The following IPP variants were observed in gnomAD, a reference collection of about 807,000 sequenced individuals.
IPP encodes actin-binding protein IPP.
A neutral mutation model predicts 64.1 loss-of-function variants in IPP; 41 were observed. The observed-to-expected ratio is 0.64, with a 90% CI of 0.50 to 0.83. IPP has a LOEUF of 0.83. Ranked by LOEUF, IPP falls within the 40% of genes least tolerant of loss-of-function variation. IPP has a pLI of 0.00. For synonymous variants in IPP, 214 were observed against 235.2 expected (o/e 0.91, Z 0.83); for missense variants, 649 against 703.0 (o/e 0.92, Z 0.87).
chr1:45,725,016 G>T (rs1213899738), intron 5 of IPP, among the ~76,000 whole-genome samples: 2 of 143,000 alleles, frequency 1.4e-5, no homozygotes, highest in Non-Finnish European at 3.1e-5. Context: ...GGTGGGAGGT[G>T]GGGGGGTCAG....
chr1:45,714,377 G>C lies in IPP; in HGVS notation c.1399C>G (p.Pro467Ala), dbSNP rs751991307. Residue 467 changes from proline to alanine, a missense_variant, in exon 8 of 9, where the codon CCA becomes GCA. Physicochemically the swap from Pro to Ala is conservative, Grantham distance 27. Transcript: ENST00000396478. ...CTCCTGGTTCCCATTGGAGGAAGTG[G>C]AGACCAACGCTTAGAAAGTGGATCA... is the stretch of plus-strand genomic sequence containing the variant. ...VYDPLSKRWSPLPPMGTRRAY... is the reference protein window; with the variant it reads ...VYDPLSKRWSALPPMGTRRAY... 6.2e-7 allele frequency: 1 copy of C among 1,614,034 alleles called. No homozygotes were observed. The highest frequency in any genetic ancestry group is 8.5e-7 in the Non-Finnish European group (1 of 1,179,904).
At chr1:45,694,410 C>T (rs746502148), downstream of IPP, 10 of 1,321,926 alleles carry the variant, frequency 7.6e-6, no homozygotes, top group Non-Finnish European at 1.1e-5. Context: ...TTTTAACCAT[C>T]TTGAAAATTA....
At chr1:45,695,440 C>T (rs1002823917), downstream of IPP, among the ~76,000 whole-genome samples, 6 of 152,076 alleles carry the variant, frequency 3.9e-5, no homozygotes, top group East Asian at 1.9e-4. Flanking sequence ...GGATTGCAGG[C>T]GTGAGCCACT....
chr1:45,728,126 CTGTGTGTGTGTGTGTGTGTGTG>C (rs371114917), intron 4 of IPP, among the ~76,000 whole-genome samples: 1 of 132,274 alleles, frequency 7.6e-6, no homozygotes, highest in East Asian at 2.2e-4. Context: ...GAGTTGAAAG[CTGTGTGTGTGTGTGTGTGTGTG>C]TGTGTGTGTG....
intron 1 of IPP, among the ~76,000 whole-genome samples, chr1:45,747,139 A>C (rs1467846429): frequency 1.3e-5 from 2 of 151,902 alleles, no homozygotes; most frequent in African/African-American, 2.4e-5. Flanking sequence ...CGCGCTTCAG[A>C]GCTCCTTGAA....
chr1:45,726,275 A>G (rs1324830939), intron 5 of IPP, among the ~76,000 whole-genome samples: 1 of 151,890 alleles, frequency 6.6e-6, no homozygotes, highest in East Asian at 1.9e-4. Flanking sequence ...CCTGACCAAC[A>G]TGAAGAAACC....
rs4326663 is a variant in IPP at position 45,750,019 on chromosome 1, T to C, written c.-51+578A>G. Among the ~76,000 whole-genome samples the C allele has an allele frequency of 9.1e-4, 139 of 152,230 alleles. 1 individual carries two copies. Among genetic ancestry groups the C allele is most frequent in the African/African-American group, 3.3e-3 (138 of 41,544 alleles). On this transcript the variant is annotated intron_variant, in intron 1 of 8. Coordinates refer to ENST00000396478, the MANE Select transcript of IPP (RefSeq NM_005897.3). ...AGTGAGTTGTGATCGCACCACTGCATTCCAGCCTAGGAGAAGGGGCGAGAC... is the reference window on the plus strand; with the variant it reads ...AGTGAGTTGTGATCGCACCACTGCACTCCAGCCTAGGAGAAGGGGCGAGAC...
At chr1:45,735,780 A>ACACCACAGCAGGCCACCACACCAGGC (rs1645972043) in intron 3 of IPP, among the ~76,000 whole-genome samples, 1 of 148,820 alleles carries the variant, frequency 6.7e-6, no homozygotes, top group Non-Finnish European at 1.5e-5. Context: ...CAGATGCGTG[A>ACACCACAGCAGGCCACCACACCAGGC]CACCACACCA....
intron 3 of IPP, among the ~76,000 whole-genome samples, chr1:45,732,449 AAAGT>A (rs1645923436): frequency 6.6e-6 from 1 of 152,046 alleles, no homozygotes. Flanking sequence ...CTAAGAAAAC[AAAGT>A]AAGAAATGAA....
rs1427327722 is a variant in IPP, at chr1:45,724,580, C to T, written c.1048+3051G>A. 4.6e-4 allele frequency among the ~76,000 whole-genome samples: 70 copies of T among 150,568 alleles called. No individual in the cohort carries two copies. The East Asian group carries it at 0.011, about 24-fold the overall frequency. On this transcript the variant is annotated intron_variant, in intron 5 of 8. Coordinates refer to ENST00000396478, the MANE Select transcript of IPP (RefSeq NM_005897.3). Reference sequence around the variant, plus strand: ...ATCCCATCTAGGAAGTGAGGAGCGTCTCTGCCCGGCCGCCCATCGTCTGAG... The same window carrying T: ...ATCCCATCTAGGAAGTGAGGAGCGTTTCTGCCCGGCCGCCCATCGTCTGAG...
intron 8 of IPP, among the ~76,000 whole-genome samples, chr1:45,701,568 T>C (rs1441917287): frequency 1.3e-5 from 2 of 152,210 alleles, no homozygotes; most frequent in Non-Finnish European, 1.5e-5. Flanking sequence ...ATTACAGGCG[T>C]GAGCCACCGC....
chr1:45,740,772 G>GAA, intron 3 of IPP, 129 bp downstream of exon 3: 2 of 563,474 alleles, frequency 3.5e-6, no homozygotes, highest in Non-Finnish European at 6.0e-6. Flanking sequence ...TTTAAAAAAA[G>GAA]AAAAAAAAAG....
chr1:45,731,435 G>A (rs1196896806), intron 3 of IPP, among the ~76,000 whole-genome samples: 2 of 152,118 alleles, frequency 1.3e-5, no homozygotes, highest in South Asian at 4.1e-4. Context: ...GTGAGACTCT[G>A]TCTCAAAACA....
At chr1:45,722,225 G>A (rs954978431) in intron 5 of IPP, among the ~76,000 whole-genome samples, 1 of 151,992 alleles carries the variant, frequency 6.6e-6, no homozygotes, top group Non-Finnish European at 1.5e-5. Context: ...CTGCCCTCTA[G>A]CCTGGGTGAC....
chr1:45,735,055 C>T (rs1369269710), intron 3 of IPP, among the ~76,000 whole-genome samples: 1 of 149,116 alleles, frequency 6.7e-6, no homozygotes, highest in Non-Finnish European at 1.5e-5. Flanking sequence ...GCTGGGATTA[C>T]AGGCGTGAGC....
Position 45,721,712 on chromosome 1 carries a change from T to A in IPP, c.1049-2372A>T, listed in dbSNP as rs147575872. ...TTGGGAACCCTGATGCACCTACAAA[T>A]CAACAAAATAGACAATTTTTAAAAT... On this transcript the variant is annotated intron_variant, in intron 5 of 8. Transcript: ENST00000396478. Among the ~76,000 whole-genome samples, 644 of 152,284 alleles carry A rather than the reference T, an allele frequency of 4.2e-3. 4 individuals are homozygous for A. Among genetic ancestry groups the A allele is most frequent in the African/African-American group, 0.015 (620 of 41,564 alleles).
In IPP at chr1:45,717,072, C is replaced by T. The variant is rs983971470; in HGVS notation, c.1187-55G>A. 3.9e-6 allele frequency: 6 copies of T among 1,550,694 alleles called. No homozygotes were observed. The East Asian group carries it at 9.0e-5, about 23-fold the overall frequency. Reference sequence around the variant, plus strand: ...CGGGATAAAAGATTCTTATTTATGACAAAGACCTTAGAAAACATCTAAACC... The same window carrying T: ...CGGGATAAAAGATTCTTATTTATGATAAAGACCTTAGAAAACATCTAAACC... On this transcript the variant is annotated intron_variant, in intron 6 of 8. Transcript: ENST00000396478.
chr1:45,714,928 T>C (rs1645637443), intron 7 of IPP, among the ~76,000 whole-genome samples: 1 of 152,112 alleles, frequency 6.6e-6, no homozygotes, highest in South Asian at 2.1e-4. Flanking sequence ...AATTAAGATA[T>C]CAGAATCAAT....
chr1:45,724,213 A>G (rs376080591), intron 5 of IPP, among the ~76,000 whole-genome samples: 3 of 152,072 alleles, frequency 2.0e-5, no homozygotes, highest in Non-Finnish European at 4.4e-5. Context: ...CCAGCTCCTA[A>G]CCGCGAGTGA....
Sources: allele counts gnomAD v4.1 joint callset (sites outside exome capture counted in the v4.1 genomes callset), GRCh38; gene constraint gnomAD v4.1.1; transcripts MANE v1.5; gene names NCBI Gene and HGNC (gene_info 2026-07-23, HGNC 2026-07-21).